The following FAM13B variants were observed in gnomAD, a reference collection of about 807,000 sequenced individuals.
FAM13B encodes the protein family with sequence similarity 13 member B.
Under a neutral mutation model 117.3 loss-of-function variants are expected in FAM13B, and 60 were observed. That is an observed-to-expected ratio of 0.51 (90% CI 0.42 to 0.63). The LOEUF is 0.63. Ranked by LOEUF, FAM13B falls within the 30% of genes least tolerant of loss-of-function variation. FAM13B has a pLI of 0.00. For missense variants in FAM13B, 972 were observed against 1,091.9 expected, an observed-to-expected ratio of 0.89 and a Z score of 1.55; for synonymous variants, 332 against 356.1, an observed-to-expected ratio of 0.93 and a Z score of 0.76.
intron 10 of FAM13B, among the ~76,000 whole-genome samples, chr5:137,969,315 GC>G (rs1415071192): frequency 6.6e-6 from 1 of 152,224 alleles, no homozygotes; most frequent in Non-Finnish European, 1.5e-5. Flanking sequence ...TGACCCCCAA[GC>G]AGCCTAACTG....
At chr5:138,021,625 T>G (rs1786742428) in intron 1 of FAM13B, among the ~76,000 whole-genome samples, 1 of 152,222 alleles carries the variant, frequency 6.6e-6, no homozygotes, top group African/African-American at 2.4e-5. Flanking sequence ...CTTAAGTACT[T>G]TCTTCTTTTT....
chr5:137,968,650 G>A (rs138760854), intron 10 of FAM13B, among the ~76,000 whole-genome samples: 2,026 of 152,218 alleles, frequency 0.013, 33 homozygotes, highest in African/African-American at 0.044. Flanking sequence ...AGCTCCCAGC[G>A]TGAGCGACGC....
chr5:138,022,464 T>G (rs1477830319), intron 1 of FAM13B, among the ~76,000 whole-genome samples: 1 of 152,194 alleles, frequency 6.6e-6, no homozygotes, highest in Non-Finnish European at 1.5e-5. Flanking sequence ...TTCAAAGAAG[T>G]GTTATTAGTA....
chr5:137,965,690 T>C (rs780308876), intron 10 of FAM13B, among the ~76,000 whole-genome samples: 11 of 152,222 alleles, frequency 7.2e-5, no homozygotes, highest in Non-Finnish European at 1.6e-4. Flanking sequence ...ACTGAATTAA[T>C]ATGATCAAAA....
chr5:138,029,146 C>A (rs977423562), intron 1 of FAM13B, among the ~76,000 whole-genome samples: 1 of 152,230 alleles, frequency 6.6e-6, no homozygotes. Flanking sequence ...CCAACTGAAT[C>A]CTCCAACCAT....
intron 10 of FAM13B, among the ~76,000 whole-genome samples, chr5:137,979,592 A>T (rs1370583305): frequency 6.6e-6 from 1 of 152,100 alleles, no homozygotes; most frequent in Non-Finnish European, 1.5e-5. Context: ...CTCCCACAAT[A>T]CCCTGAGTTC....
At chr5:137,963,720 T>A (rs1328652665) in intron 10 of FAM13B, among the ~76,000 whole-genome samples, 12 of 151,816 alleles carry the variant, frequency 7.9e-5, no homozygotes, top group African/African-American at 2.2e-4. Context: ...GCTGGGGGAG[T>A]GGGGAGTGAG....
At chr5:137,981,777 C>T (rs937917642) in intron 10 of FAM13B, among the ~76,000 whole-genome samples, 5 of 151,128 alleles carry the variant, frequency 3.3e-5, no homozygotes, top group African/African-American at 9.8e-5. Flanking sequence ...CAGAGACAGA[C>T]TCCATCTCAG....
intron 23 of FAM13B, 84 bp from the exon 24 acceptor site, chr5:137,940,432 G>A (rs2150089551): frequency 2.7e-6 from 2 of 752,004 alleles, no homozygotes; most frequent in South Asian, 4.0e-5. Flanking sequence ...GAGACATACT[G>A]TTACTAAACA....
intron 10 of FAM13B, among the ~76,000 whole-genome samples, chr5:137,979,168 A>G (rs1262464867): frequency 6.6e-6 from 1 of 152,014 alleles, no homozygotes; most frequent in Non-Finnish European, 1.5e-5. Flanking sequence ...ATGTGCCATC[A>G]TGCCCCGCTA....
intron 1 of FAM13B, among the ~76,000 whole-genome samples, chr5:138,043,487 C>T (rs1452266526): frequency 2.9e-4 from 44 of 149,882 alleles, no homozygotes; most frequent in African/African-American, 9.6e-4. Flanking sequence ...GTCGCCAGGC[C>T]GAAGTGCAGT....
At chr5:138,020,842 T>C (rs966558576) in intron 2 of FAM13B, 189 bp downstream of exon 2, 4 of 324,258 alleles carry the variant, frequency 1.2e-5, no homozygotes, top group African/African-American at 8.5e-5. Context: ...AAAGAAAAAA[T>C]TAACTTAAGG....
intron 1 of FAM13B, among the ~76,000 whole-genome samples, chr5:138,040,579 A>C (rs1791468999): frequency 6.6e-6 from 1 of 152,080 alleles, no homozygotes; most frequent in Admixed American, 6.6e-5. Context: ...AAAACAAAAC[A>C]AACAAAAAAG....
At chr5:138,009,452 A>C (rs1581240547) in intron 6 of FAM13B, among the ~76,000 whole-genome samples, 1 of 152,110 alleles carries the variant, frequency 6.6e-6, no homozygotes, top group Admixed American at 6.6e-5. Flanking sequence ...GATGTACTTA[A>C]TATCCATCTG....
chr5:138,018,376 C>G lies in FAM13B; in HGVS notation c.296G>C (p.Arg99Thr). ...ADVPSAISLL[R>T]FFLQELPEPV... ...TTCAGGAAGTTCTTGAAGAAAAAATCTAAGAAGGCTAATAGCTGAGGGAAC... is the reference window on the plus strand; with the variant it reads ...TTCAGGAAGTTCTTGAAGAAAAAATGTAAGAAGGCTAATAGCTGAGGGAAC... Residue 99 changes from arginine to threonine, a missense_variant, in exon 4 of 24, where the codon AGA (arginine) becomes ACA (threonine). Coordinates refer to ENST00000689681, the MANE Select transcript of FAM13B (RefSeq NM_001385994.1). 1.2e-6 allele frequency: 2 copies of G among 1,614,152 alleles called. No homozygotes were observed. The highest frequency in any genetic ancestry group is 1.7e-6 in the Non-Finnish European group (2 of 1,180,014).
intron 4 of FAM13B, among the ~76,000 whole-genome samples, chr5:138,017,153 CA>C (rs1785469008): frequency 6.6e-6 from 1 of 152,176 alleles, no homozygotes; most frequent in African/African-American, 2.4e-5. Flanking sequence ...AGAACTGAAT[CA>C]GGTTACCCCT....
chr5:138,000,279 G>A (rs1780888720), intron 7 of FAM13B, among the ~76,000 whole-genome samples: 1 of 152,054 alleles, frequency 6.6e-6, no homozygotes, highest in South Asian at 2.1e-4. Flanking sequence ...CATGCCTGTA[G>A]TCCTAGCTAT....
chr5:137,964,814 A>G (rs1037886697), intron 10 of FAM13B, among the ~76,000 whole-genome samples: 3 of 152,076 alleles, frequency 2.0e-5, no homozygotes, highest in Admixed American at 2.0e-4. Flanking sequence ...AATAACAATA[A>G]TTTACTTGAC....
At chr5:138,001,121 A>G (rs1055648174) in intron 7 of FAM13B, among the ~76,000 whole-genome samples, 3 of 149,242 alleles carry the variant, frequency 2.0e-5, no homozygotes, top group East Asian at 1.9e-4. Flanking sequence ...GTTTGTGACC[A>G]AAAGTTTGAG....
Sources: allele counts gnomAD v4.1 joint callset (sites outside exome capture counted in the v4.1 genomes callset), GRCh38; gene constraint gnomAD v4.1.1; transcripts MANE v1.5; gene names NCBI Gene and HGNC (gene_info 2026-07-23, HGNC 2026-07-21).